The following IKBKG variants were observed in gnomAD, a reference collection of about 807,000 sequenced individuals.
IKBKG encodes the protein NF-kappa-B essential modulator.
In IKBKG, 2 loss-of-function variants were observed where a neutral mutation model predicts 13.7. The ratio of observed to expected loss-of-function variants is 0.15; its 90% CI spans 0.06 to 0.46. IKBKG has a LOEUF of 0.46. Among genes scored for constraint, IKBKG ranks in the 20% least tolerant of loss-of-function variants. The pLI is 0.98. For missense variants in IKBKG, 53 were observed against 150.3 expected, an observed-to-expected ratio of 0.35 and a Z score of 3.39; for synonymous variants, 22 against 64.4, an observed-to-expected ratio of 0.34 and a Z score of 3.15.
upstream of IKBKG, chrX:154,546,867 C>T: frequency 9.1e-7 from 1 of 1,103,129 alleles, no homozygotes; most frequent in South Asian, 2.1e-5. Flanking sequence ...CCCCGCCGGC[C>T]CATTTAATCG....
At chrX:154,547,386 G>A (rs1404346097), upstream of IKBKG, 11 of 754,268 alleles carry the variant, frequency 1.5e-5, no homozygotes, top group Non-Finnish European at 1.6e-5. Context: ...CGAGCGCCCC[G>A]AGGCTAGACG....
upstream of IKBKG, chrX:154,546,800 C>A (rs782006658): frequency 3.5e-4 from 404 of 1,160,754 alleles, 1 homozygote; most frequent in South Asian, 6.6e-3. Flanking sequence ...TGCGCTTCGT[C>A]GTCGTCGCCC....
At chrX:154,550,709 C>A (rs1250495341) in intron 1 of IKBKG, among the ~76,000 whole-genome samples, 29 of 111,170 alleles carry the variant, frequency 2.6e-4, no homozygotes, top group African/African-American at 9.5e-4. Context: ...GGCACAATCT[C>A]AGCTCACTGC....
upstream of IKBKG, chrX:154,547,110 C>T (rs181224733): frequency 1.5e-4 from 23 of 150,111 alleles, no homozygotes; most frequent in East Asian, 3.9e-3. Flanking sequence ...ACGGGTGCAG[C>T]TCCGCGTAGT....
upstream of IKBKG, among the ~76,000 whole-genome samples, chrX:154,543,428 T>C (rs1557232445): frequency 9.0e-6 from 1 of 111,700 alleles, no homozygotes; most frequent in Non-Finnish European, 1.9e-5. Flanking sequence ...AATGCTGAGG[T>C]TCAGGAAAAG....
upstream of IKBKG, among the ~76,000 whole-genome samples, chrX:154,546,628 G>A (rs983213464): frequency 2.3e-4 from 26 of 111,771 alleles, no homozygotes; most frequent in Non-Finnish European, 4.7e-4. Flanking sequence ...CGGGGTCTCA[G>A]GGGCTCAAGA....
chrX:154,546,724 C>T (rs1310434560), upstream of IKBKG: 14 of 934,060 alleles, frequency 1.5e-5, no homozygotes, highest in Non-Finnish European at 1.9e-5. Context: ...TGTATTTTAC[C>T]GCCGCGCGGC....
At chrX:154,544,143 G>A (rs1455234715), upstream of IKBKG, among the ~76,000 whole-genome samples, 3 of 109,277 alleles carry the variant, frequency 2.7e-5, no homozygotes, top group African/African-American at 1.0e-4. Context: ...TTACAGACGT[G>A]AGCCACTGCG....
chrX:154,550,277 T>TGAGA, intron 1 of IKBKG, among the ~76,000 whole-genome samples: 1 of 101,905 alleles, frequency 9.8e-6, no homozygotes, highest in East Asian at 3.0e-4. Context: ...TGTGTGTGTG[T>TGAGA]GAGAGAGAGA....
chrX:154,544,353 G>C (rs901952313), upstream of IKBKG, among the ~76,000 whole-genome samples: 80 of 109,994 alleles, frequency 7.3e-4, no homozygotes, highest in African/African-American at 2.5e-3. Context: ...GTAGAGATGG[G>C]GTTTCACCAT....
chrX:154,542,577 G>A, upstream of IKBKG: 2 of 908,894 alleles, frequency 2.2e-6, no homozygotes, highest in Non-Finnish European at 2.9e-6. Flanking sequence ...GGGCAAGTGT[G>A]AGGTAAGCTG....
At chrX:154,548,167 G>T in intron 1 of IKBKG, 3 of 679,348 alleles carry the variant, frequency 4.4e-6, no homozygotes, top group Non-Finnish European at 5.3e-6. Context: ...TGTGATCTGA[G>T]AATGAATGGG....
At chrX:154,555,771 G>C (rs1381515244) in intron 2 of IKBKG, among the ~76,000 whole-genome samples, 2 of 111,091 alleles carry the variant, frequency 1.8e-5, no homozygotes, top group Non-Finnish European at 3.8e-5. Context: ...TTAGAGACGG[G>C]GTTTCACCAT....
chrX:154,545,184 A>C (rs1557232902), upstream of IKBKG, among the ~76,000 whole-genome samples: 8 of 111,169 alleles, frequency 7.2e-5, no homozygotes, highest in Non-Finnish European at 1.5e-4. Context: ...TCCTCATGCT[A>C]TACTATTCTT....
In IKBKG at chrX:154,552,025, G is replaced by A. The variant is rs782576988; in HGVS notation, c.23G>A (p.Ser8Asn). ...TGGATGAATAGGCACCTCTGGAAGAGCCAACTGTGTGAGATGGTGCAGCCC... is the reference window on the plus strand; with the variant it reads ...TGGATGAATAGGCACCTCTGGAAGAACCAACTGTGTGAGATGGTGCAGCCC... MNRHLWK[S>N]QLCEMVQPSG... The change falls in exon 2 of 10, where the codon AGC (serine) becomes AAC (asparagine). Residue 8 changes from serine to asparagine, a missense_variant. This residue lies in a region of IKBKG where 47 missense variants were observed against 50.0 expected (regional missense o/e 0.94). Transcript: ENST00000594239. 9.9e-6 allele frequency: 11 copies of A among 1,109,499 alleles called. No individual in the cohort carries two copies. In the South Asian group the frequency reaches 2.4e-4, roughly 25 times the overall value. The allele number at this position is 1,109,499 out of a possible 1,213,427, so 91.4% of individuals were successfully genotyped here.
At chrX:154,542,110 G>A in intron 1 of IKBKG, 1 of 417,699 alleles carries the variant, frequency 2.4e-6, no homozygotes, top group Non-Finnish European at 4.1e-6. Flanking sequence ...GGGCTTTGGG[G>A]GAGTGCCAAC....
At chrX:154,542,558 TG>T, upstream of IKBKG, 2 of 990,138 alleles carry the variant, frequency 2.0e-6, no homozygotes, top group Non-Finnish European at 2.7e-6. Context: ...GGAAGGAAGC[TG>T]GGTGTGTGGG....
chrX:154,548,533 A>G (rs2070825775), intron 1 of IKBKG, among the ~76,000 whole-genome samples: 1 of 112,461 alleles, frequency 8.9e-6, no homozygotes, highest in African/African-American at 3.2e-5. Flanking sequence ...AAAATGTACG[A>G]AAGTAGAAAA....
At chrX:154,553,313 C>T (rs2070984348) in intron 2 of IKBKG, among the ~76,000 whole-genome samples, 3 of 112,737 alleles carry the variant, frequency 2.7e-5, no homozygotes, top group Non-Finnish European at 5.6e-5. Context: ...CACTCCCCCG[C>T]CTTCTTTGCT....
Sources: allele counts gnomAD v4.1 joint callset (sites outside exome capture counted in the v4.1 genomes callset), GRCh38; gene constraint gnomAD v4.1.1; regional missense constraint gnomAD v4.1.1; transcripts MANE v1.5; gene names NCBI Gene and HGNC (gene_info 2026-07-23, HGNC 2026-07-21).